Variants in WDPCP observed in about 807,000 individuals in gnomAD.
The protein encoded by WDPCP is WD repeat containing planar cell polarity effector.
In WDPCP, 71 loss-of-function variants were observed where a neutral mutation model predicts 93.1. The ratio of observed to expected loss-of-function variants is 0.76; its 90% CI spans 0.63 to 0.93. The LOEUF is 0.93. WDPCP is among the 40% of genes least tolerant of loss of function. The pLI is 0.00. For synonymous variants in WDPCP, 315 were observed against 315.0 expected (o/e 1.00, Z 0.00); for missense variants, 844 against 887.4 (o/e 0.95, Z 0.62).
chr2:63,330,198 TCCC>T (rs1040434792), intron 12 of WDPCP, among the ~76,000 whole-genome samples: 2 of 152,226 alleles, frequency 1.3e-5, no homozygotes, highest in Admixed American at 6.5e-5. Flanking sequence ...CAGCTTACAT[TCCC>T]CCCAAGTGGT....
At chr2:63,238,456 T>C (rs1165523295) in intron 14 of WDPCP, among the ~76,000 whole-genome samples, 1 of 152,216 alleles carries the variant, frequency 6.6e-6, no homozygotes, top group Non-Finnish European at 1.5e-5. Flanking sequence ...TTTTAAAGAA[T>C]GTGTACAACG....
chr2:63,484,943 GT>G lies in WDPCP; in HGVS notation c.297del (p.Lys99AsnfsTer12). ...PWTLKNRRPE[K>X]LRDSLKELEE... is the part of the protein sequence containing the mutation. ...TCCAACTCTTTGAGCGAGTCTCGGA[GT>G]TTTTCTGGGCGTCTGTTTTTGAGCG... is the stretch of plus-strand genomic sequence containing the variant. On this transcript the variant is annotated frameshift_variant, in exon 5 of 18. Coordinates refer to ENST00000272321, the MANE Select transcript of WDPCP (RefSeq NM_015910.7). LOFTEE classifies it high-confidence loss of function. The G allele has an allele frequency of 6.2e-7, 1 of 1,612,626 alleles. No individual in the cohort carries two copies.
chr2:63,497,054 G>C (rs1430781665), intron 1 of WDPCP, among the ~76,000 whole-genome samples: 1 of 140,990 alleles, frequency 7.1e-6, no homozygotes, highest in Non-Finnish European at 1.5e-5. Context: ...GAAGGTTGCA[G>C]TGAGTCAAGA....
chr2:63,840,486 T>A, the WDPCP span, among the ~76,000 whole-genome samples: 1 of 152,148 alleles, frequency 6.6e-6, no homozygotes, highest in African/African-American at 2.4e-5. Flanking sequence ...CCTTCACTTG[T>A]CACTTTCTTC....
intron 1 of WDPCP, among the ~76,000 whole-genome samples, chr2:63,573,845 C>G (rs924482882): frequency 2.0e-5 from 3 of 152,180 alleles, no homozygotes; most frequent in African/African-American, 7.2e-5. Flanking sequence ...GAGAATGCGT[C>G]CCTGAGGGTA....
chr2:63,480,750 G>C (rs929274612), intron 6 of WDPCP, among the ~76,000 whole-genome samples: 12 of 152,090 alleles, frequency 7.9e-5, no homozygotes, highest in African/African-American at 2.9e-4. Flanking sequence ...ATGGATTAAG[G>C]ACTTACACCT....
intron 1 of WDPCP, among the ~76,000 whole-genome samples, chr2:63,556,308 G>C (rs1417133155): frequency 6.6e-6 from 1 of 152,158 alleles, no homozygotes; most frequent in Non-Finnish European, 1.5e-5. Flanking sequence ...ATAAAAGAAT[G>C]AAAAGGAACG....
chr2:63,331,777 C>T (rs958770660), intron 12 of WDPCP, among the ~76,000 whole-genome samples: 5 of 152,168 alleles, frequency 3.3e-5, no homozygotes, highest in African/African-American at 1.2e-4. Flanking sequence ...TGATATCAAA[C>T]AGAATATAGT....
intron 1 of WDPCP, among the ~76,000 whole-genome samples, chr2:63,511,376 C>T (rs931185172): frequency 2.0e-5 from 3 of 152,150 alleles, no homozygotes; most frequent in African/African-American, 7.2e-5. Context: ...TGACTTTCTT[C>T]ACAGAATTAG....
chr2:63,582,208 TGAAA>T (rs1258964462), intron 1 of WDPCP, among the ~76,000 whole-genome samples: 1 of 152,052 alleles, frequency 6.6e-6, no homozygotes, highest in African/African-American at 2.4e-5. Flanking sequence ...GTAGTAGACA[TGAAA>T]GATATTTTTT....
intron 1 of WDPCP, among the ~76,000 whole-genome samples, chr2:63,506,637 C>T (rs1006844817): frequency 1.1e-4 from 17 of 152,104 alleles, no homozygotes; most frequent in African/African-American, 4.1e-4. Flanking sequence ...AAACTGGAAG[C>T]ACCAAGTACT....
chr2:63,360,920 C>T (rs1440426427), intron 12 of WDPCP, among the ~76,000 whole-genome samples: 1 of 152,148 alleles, frequency 6.6e-6, no homozygotes, highest in Non-Finnish European at 1.5e-5. Flanking sequence ...AGCCCTAAGT[C>T]ACGGCTCTAA....
chr2:63,480,434 A>G (rs897828670), intron 6 of WDPCP, among the ~76,000 whole-genome samples: 1 of 152,072 alleles, frequency 6.6e-6, no homozygotes, highest in Admixed American at 6.6e-5. Flanking sequence ...CCAAAGCAAG[A>G]CTAAACAAAA....
rs200308955 is a variant in WDPCP, at chr2:63,219,369, T to G, written c.1915+39938A>C. Among the ~76,000 whole-genome samples, 6 of 152,306 alleles carry G rather than the reference T, an allele frequency of 3.9e-5. No homozygotes were observed. The East Asian group carries it at 1.2e-3, about 29-fold the overall frequency. On this transcript the variant is annotated intron_variant, in intron 14 of 17. Coordinates refer to ENST00000272321, the MANE Select transcript of WDPCP (RefSeq NM_015910.7). ...CCTGTCAGTCATGCCTCTCAAATGC[T>G]TTGTTGCACAGGCATGCCAATAAGT... is the stretch of plus-strand genomic sequence containing the variant.
At chr2:63,244,294 A>G (rs1455046450) in intron 14 of WDPCP, among the ~76,000 whole-genome samples, 1 of 152,166 alleles carries the variant, frequency 6.6e-6, no homozygotes, top group African/African-American at 2.4e-5. Flanking sequence ...ACAATCTAAC[A>G]TCACACATAG....
chr2:63,222,375 A>G (rs1004130954), intron 14 of WDPCP, among the ~76,000 whole-genome samples: 6 of 152,052 alleles, frequency 3.9e-5, no homozygotes, highest in South Asian at 2.1e-4. Context: ...TCAACTCCCA[A>G]CCTTTAAAAA....
At chr2:63,456,668 G>A (rs1698641270) in intron 6 of WDPCP, among the ~76,000 whole-genome samples, 1 of 151,978 alleles carries the variant, frequency 6.6e-6, no homozygotes, top group Non-Finnish European at 1.5e-5. Flanking sequence ...AAAGATCAGA[G>A]CAAAACTAAA....
At chr2:63,695,286 T>G (rs1018465563) in intron 2 of WDPCP, among the ~76,000 whole-genome samples, 4 of 152,212 alleles carry the variant, frequency 2.6e-5, no homozygotes, top group Admixed American at 6.5e-5. Flanking sequence ...AGACTACATA[T>G]GCTTCATATA....
chr2:63,226,034 T>C (rs944142816), intron 14 of WDPCP, among the ~76,000 whole-genome samples: 29 of 151,912 alleles, frequency 1.9e-4, no homozygotes, highest in Non-Finnish European at 7.4e-5. Flanking sequence ...TTCACTATAA[T>C]AGAAACAAAA....
Sources: allele counts gnomAD v4.1 joint callset (sites outside exome capture counted in the v4.1 genomes callset), GRCh38; gene constraint gnomAD v4.1.1; transcripts MANE v1.5; gene names NCBI Gene and HGNC (gene_info 2026-07-23, HGNC 2026-07-21).